Variants in GLIS3 observed in about 807,000 individuals in gnomAD.
GLIS3 encodes the protein zinc finger protein GLIS3.
Under a neutral mutation model 78.6 loss-of-function variants are expected in GLIS3, and 53 were observed. The ratio of observed to expected loss-of-function variants is 0.67; its 90% CI spans 0.54 to 0.85. The LOEUF is 0.85. Among genes scored for constraint, GLIS3 ranks in the 40% least tolerant of loss-of-function variants. The pLI, the probability that GLIS3 is intolerant of heterozygous loss-of-function variation, is 0.00. For missense variants in GLIS3, 1,703 were observed against 1,231.1 expected (o/e 1.38, Z -5.74); for synonymous variants, 684 against 509.9 (o/e 1.34, Z -4.60).
intron 2 of GLIS3, among the ~76,000 whole-genome samples, chr9:4,220,775 A>T (rs1821264451): frequency 6.6e-6 from 1 of 152,060 alleles, no homozygotes; most frequent in African/African-American, 2.4e-5. Flanking sequence ...TAAAAGACTG[A>T]GGAACCATTC....
intron 9 of GLIS3, among the ~76,000 whole-genome samples, chr9:3,846,578 C>G (rs2130128842): frequency 6.6e-6 from 1 of 152,314 alleles, no homozygotes; most frequent in African/African-American, 2.4e-5. Flanking sequence ...CATTGCATGA[C>G]CTGCTCATAG....
intron 2 of GLIS3, among the ~76,000 whole-genome samples, chr9:4,165,118 C>A (rs988291396): frequency 6.6e-6 from 1 of 152,072 alleles, no homozygotes; most frequent in Non-Finnish European, 1.5e-5. Flanking sequence ...GCTGGAGGGG[C>A]CCTGAAACAT....
chr9:4,444,144 T>G, the GLIS3 span, among the ~76,000 whole-genome samples: 2 of 152,216 alleles, frequency 1.3e-5, no homozygotes, highest in African/African-American at 4.8e-5. Context: ...GGGAGCTATT[T>G]GTTTGAAATG....
chr9:3,927,715 A>T (rs1825347076), intron 6 of GLIS3, among the ~76,000 whole-genome samples: 1 of 152,110 alleles, frequency 6.6e-6, no homozygotes, highest in Non-Finnish European at 1.5e-5. Context: ...AAATCCTGCA[A>T]ATTATGGATT....
chr9:4,051,149 G>C (rs918866308), intron 4 of GLIS3, among the ~76,000 whole-genome samples: 7 of 152,198 alleles, frequency 4.6e-5, no homozygotes, highest in African/African-American at 1.7e-4. Flanking sequence ...AATGGAAGCA[G>C]ACAATGAGCC....
At chr9:4,419,402 A>T in the GLIS3 span, among the ~76,000 whole-genome samples, 3 of 152,298 alleles carry the variant, frequency 2.0e-5, no homozygotes, top group South Asian at 6.2e-4. Context: ...GCATCTGCTC[A>T]GTTTCTGGGG....
intron 2 of GLIS3, among the ~76,000 whole-genome samples, chr9:4,183,388 A>G (rs898360735): frequency 3.3e-5 from 5 of 152,178 alleles, no homozygotes; most frequent in Non-Finnish European, 5.9e-5. Context: ...TTCATTACTC[A>G]TATAATAGAT....
chr9:3,916,485 C>T (rs1040765870), intron 6 of GLIS3, among the ~76,000 whole-genome samples: 4 of 152,246 alleles, frequency 2.6e-5, no homozygotes, highest in Non-Finnish European at 4.4e-5. Context: ...CTCAAAGGAA[C>T]TGGTCACTCG....
chr9:4,293,572 G>C (rs1337934328), intron 1 of GLIS3, among the ~76,000 whole-genome samples: 1 of 152,342 alleles, frequency 6.6e-6, no homozygotes, highest in African/African-American at 2.4e-5. Flanking sequence ...CGGTCATGCT[G>C]AAAAGGTTGG....
At chr9:3,941,278 C>T (rs1815890498) in intron 4 of GLIS3, among the ~76,000 whole-genome samples, 1 of 152,158 alleles carries the variant, frequency 6.6e-6, no homozygotes, top group East Asian at 1.9e-4. Context: ...ATCTCCATTC[C>T]ACAGCAGGGC....
At chr9:3,864,607 A>C (rs1820446844) in intron 8 of GLIS3, among the ~76,000 whole-genome samples, 1 of 152,226 alleles carries the variant, frequency 6.6e-6, no homozygotes, top group African/African-American at 2.4e-5. Flanking sequence ...ATTTGAAAAG[A>C]AACTGGCCGG....
intron 2 of GLIS3, among the ~76,000 whole-genome samples, chr9:4,138,048 C>T (rs1833533087): frequency 6.6e-6 from 1 of 152,202 alleles, no homozygotes. Context: ...CTGCTCTGTG[C>T]TACACTATAT....
the GLIS3 span, among the ~76,000 whole-genome samples, chr9:4,369,686 A>G: frequency 2.0e-5 from 3 of 152,170 alleles, no homozygotes; most frequent in Admixed American, 6.5e-5. Context: ...CAATGGCGTG[A>G]TGGTCAAATG....
intron 4 of GLIS3, among the ~76,000 whole-genome samples, chr9:3,964,999 T>A (rs1817825733): frequency 6.6e-6 from 1 of 152,030 alleles, no homozygotes; most frequent in Non-Finnish European, 1.5e-5. Context: ...ACCAATTGTG[T>A]GATCTTGGAC....
At chr9:3,851,762 C>T (rs1563775512) in intron 9 of GLIS3, among the ~76,000 whole-genome samples, 1 of 152,224 alleles carries the variant, frequency 6.6e-6, no homozygotes, top group Non-Finnish European at 1.5e-5. Flanking sequence ...CATCTACACA[C>T]AGAGCAATCT....
chr9:4,261,400 T>A (rs1159583076), intron 2 of GLIS3, among the ~76,000 whole-genome samples: 1 of 151,918 alleles, frequency 6.6e-6, no homozygotes, highest in African/African-American at 2.4e-5. Flanking sequence ...GGGTACAGAT[T>A]AAGATAAAAA....
chr9:4,015,451 A>C (rs1822355896), intron 4 of GLIS3, among the ~76,000 whole-genome samples: 1 of 152,236 alleles, frequency 6.6e-6, no homozygotes, highest in South Asian at 2.1e-4. Context: ...GCATGCACAG[A>C]ACTATGTCTA....
the GLIS3 span, among the ~76,000 whole-genome samples, chr9:4,388,388 G>T: frequency 6.6e-6 from 1 of 151,964 alleles, no homozygotes; most frequent in Non-Finnish European, 1.5e-5. Context: ...CTTAAGAGTA[G>T]AGAGGCAGGG....
At chr9:4,072,634 T>C (rs961682704) in intron 4 of GLIS3, among the ~76,000 whole-genome samples, 2 of 152,168 alleles carry the variant, frequency 1.3e-5, no homozygotes, top group Admixed American at 1.3e-4. Flanking sequence ...TTTTCCTCTT[T>C]ATAATTCACT....
Sources: allele counts gnomAD v4.1 joint callset (sites outside exome capture counted in the v4.1 genomes callset), GRCh38; gene constraint gnomAD v4.1.1; transcripts MANE v1.5; gene names NCBI Gene and HGNC (gene_info 2026-07-23, HGNC 2026-07-21).